DDHD1: variants seen among roughly 807,000 people sequenced by gnomAD.
DDHD1 encodes the protein phospholipase DDHD1.
In DDHD1, 49 loss-of-function variants were observed where a neutral mutation model predicts 96.4. That is an observed-to-expected ratio of 0.51 (90% CI 0.40 to 0.64). DDHD1 has a LOEUF of 0.64. Ranked by LOEUF, DDHD1 falls within the 30% of genes least tolerant of loss-of-function variation. DDHD1 has a pLI of 0.00. For synonymous variants in DDHD1, 442 were observed against 446.5 expected (o/e 0.99, Z 0.13); for missense variants, 1,106 against 1,161.2 (o/e 0.95, Z 0.69).
intron 12 of DDHD1, among the ~76,000 whole-genome samples, chr14:53,047,925 C>T (rs1472088038): frequency 1.3e-5 from 2 of 152,142 alleles, no homozygotes; most frequent in African/African-American, 4.8e-5. Context: ...ATGCTCAAAT[C>T]ACTACCAACC....
chr14:53,086,837 A>T (rs1245987468), intron 4 of DDHD1, among the ~76,000 whole-genome samples: 4 of 152,170 alleles, frequency 2.6e-5, no homozygotes, highest in Non-Finnish European at 5.9e-5. Flanking sequence ...AAATGTCCCC[A>T]GTTAAAAGAT....
In DDHD1 at chr14:53,152,574, G is replaced by A. The variant is rs778965912; in HGVS notation, c.525C>T (p.Asp175=). The change falls in exon 1 of 13, where the codon GAC becomes GAT. Residue 175 remains aspartate (D), a synonymous_variant. Coordinates refer to ENST00000673822, the MANE Select transcript of DDHD1 (RefSeq NM_001160148.2). ...PEEVRWFYKE[D]KKTWKPFIGY... is the part of the protein sequence containing the mutation. The stretch of plus-strand genomic sequence containing the variant: ...CGATGAAGGGCTTCCAGGTCTTCTT[G>A]TCCTCCTTGTAGAACCAGCGTACCT... The A allele has an allele frequency of 1.2e-6, 2 of 1,613,932 alleles. No homozygotes were observed. Among genetic ancestry groups the A allele is most frequent in the South Asian group, 2.2e-5 (2 of 91,074 alleles).
intron 4 of DDHD1, among the ~76,000 whole-genome samples, chr14:53,084,761 C>T (rs1285287486): frequency 6.6e-6 from 1 of 152,220 alleles, no homozygotes; most frequent in Non-Finnish European, 1.5e-5. Flanking sequence ...TGGTTCATCT[C>T]ACTGGGACTG....
chr14:53,094,861 C>A lies in DDHD1; in HGVS notation c.1013-1417G>T, dbSNP rs1886745174. ...CCTGTCTCAAAAAAAAAAAAAAAAT[C>A]AGTATGGTTGCTGCATTTCTGTAAC... is the stretch of plus-strand genomic sequence containing the variant. On this transcript the variant is annotated intron_variant, in intron 2 of 12. Coordinates refer to ENST00000673822, the MANE Select transcript of DDHD1 (RefSeq NM_001160148.2). 3.5e-5 allele frequency among the ~76,000 whole-genome samples: 5 copies of A among 141,714 alleles called. No individual in the cohort carries two copies. In the South Asian group the frequency reaches 1.2e-3, roughly 33 times the overall value. 93.0% of individuals were successfully genotyped at this position (141,714 alleles called of 152,430 possible).
intron 4 of DDHD1, among the ~76,000 whole-genome samples, chr14:53,088,946 T>A (rs1216946332): frequency 1.3e-5 from 2 of 152,178 alleles, no homozygotes; most frequent in African/African-American, 4.8e-5. Flanking sequence ...CAAAATCTCC[T>A]TAAGCTGATA....
intron 1 of DDHD1, among the ~76,000 whole-genome samples, chr14:53,130,450 T>C (rs1242332288): frequency 1.3e-5 from 2 of 152,168 alleles, no homozygotes; most frequent in African/African-American, 4.8e-5. Flanking sequence ...GAAGTCCGTC[T>C]TATTCTCAAC....
intron 8 of DDHD1, among the ~76,000 whole-genome samples, chr14:53,060,609 C>G (rs1464882117): frequency 6.6e-6 from 1 of 152,182 alleles, no homozygotes; most frequent in Non-Finnish European, 1.5e-5. Flanking sequence ...CACTGACCAA[C>G]TAGGTGGTCA....
chr14:53,149,941 C>A (rs1412618060), intron 1 of DDHD1: 1 of 152,216 alleles, frequency 6.6e-6, no homozygotes, highest in African/African-American at 2.4e-5. Context: ...TTCCTCATTA[C>A]TCGCAGGATA....
chr14:53,050,325 G>A (rs1882427695), intron 12 of DDHD1, among the ~76,000 whole-genome samples: 1 of 152,146 alleles, frequency 6.6e-6, no homozygotes, highest in Non-Finnish European at 1.5e-5. Flanking sequence ...GAGTAGTTCT[G>A]AATTTGCCTA....
At chr14:53,104,147 T>G (rs1887517660) in intron 1 of DDHD1, among the ~76,000 whole-genome samples, 1 of 152,204 alleles carries the variant, frequency 6.6e-6, no homozygotes, top group South Asian at 2.1e-4. Context: ...TTGCCCAGAC[T>G]GGTCTGACTG....
Position 53,043,014 on chromosome 14 carries a change from C to T in DDHD1, c.*3754G>A, listed in dbSNP as rs537744001. Reference sequence around the variant, plus strand: ...AATTTGTCTTCTACTACAGACTTTACAGGAAAATCTTTTGGCTTGATCTGA... The same window carrying T: ...AATTTGTCTTCTACTACAGACTTTATAGGAAAATCTTTTGGCTTGATCTGA... On this transcript the variant is annotated 3_prime_UTR_variant, in exon 13 of 13. Transcript: ENST00000673822. 1.3e-5 allele frequency: 2 copies of T among 152,316 alleles called. No individual in the cohort carries two copies. The highest frequency in any genetic ancestry group is 2.1e-4 in the South Asian group (1 of 4,828). The allele number at this position is 152,316 out of a possible 1,614,324, so 9.4% of individuals were successfully genotyped here. A position where few individuals can be genotyped will look rare whatever the true frequency, so the allele number is the denominator to read the frequency against.
chr14:53,073,257 T>A (rs1884673290), intron 5 of DDHD1, among the ~76,000 whole-genome samples: 1 of 151,988 alleles, frequency 6.6e-6, no homozygotes, highest in Non-Finnish European at 1.5e-5. Context: ...AAATTATCTA[T>A]GCTAGATTGT....
At chr14:53,123,273 A>G (rs1889152998) in intron 1 of DDHD1, among the ~76,000 whole-genome samples, 1 of 151,792 alleles carries the variant, frequency 6.6e-6, no homozygotes, top group South Asian at 2.1e-4. Flanking sequence ...CAGCCTCCCA[A>G]GTAGCTGGAA....
chr14:53,103,587 C>T, intron 2 of DDHD1, 96 bp downstream of exon 2: 1 of 1,012,424 alleles, frequency 9.9e-7, no homozygotes, highest in Non-Finnish European at 1.3e-6. Flanking sequence ...AATTCTAAAC[C>T]TCCTGAATTA....
intron 1 of DDHD1, among the ~76,000 whole-genome samples, chr14:53,121,948 C>T (rs1415472803): frequency 6.7e-6 from 1 of 149,334 alleles, no homozygotes; most frequent in Non-Finnish European, 1.5e-5. Context: ...GCAAATGATA[C>T]TGTGTAAATT....
chr14:53,131,873 A>G (rs1468786166), intron 1 of DDHD1, among the ~76,000 whole-genome samples: 2 of 151,764 alleles, frequency 1.3e-5, no homozygotes, highest in Admixed American at 6.6e-5. Flanking sequence ...TTCTTCCCCA[A>G]CCGTTACCTA....
intron 1 of DDHD1, among the ~76,000 whole-genome samples, chr14:53,131,545 T>C (rs1345563282): frequency 6.6e-6 from 1 of 152,142 alleles, no homozygotes; most frequent in African/African-American, 2.4e-5. Context: ...ATCTCAAACA[T>C]GCTTTCTTTA....
chr14:53,122,528 T>A (rs906531699), intron 1 of DDHD1, among the ~76,000 whole-genome samples: 2 of 152,144 alleles, frequency 1.3e-5, no homozygotes, highest in Non-Finnish European at 2.9e-5. Flanking sequence ...ATCTATTATT[T>A]CTGTATTCTT....
chr14:53,130,349 C>T (rs1889774441), intron 1 of DDHD1, among the ~76,000 whole-genome samples: 1 of 152,152 alleles, frequency 6.6e-6, no homozygotes, highest in South Asian at 2.1e-4. Flanking sequence ...AGCATTTGGA[C>T]TTTTTCATCA....
Sources: allele counts gnomAD v4.1 joint callset (sites outside exome capture counted in the v4.1 genomes callset), GRCh38; gene constraint gnomAD v4.1.1; transcripts MANE v1.5; gene names NCBI Gene and HGNC (gene_info 2026-07-23, HGNC 2026-07-21).